SEMA6D: variants seen among roughly 807,000 people sequenced by gnomAD.
The protein encoded by SEMA6D is semaphorin-6D.
In SEMA6D, 35 loss-of-function variants were observed where a neutral mutation model predicts 106.6. The ratio of observed to expected loss-of-function variants is 0.33; its 90% CI spans 0.25 to 0.44. The LOEUF (loss-of-function observed/expected upper bound fraction) is 0.44. SEMA6D is among the 20% of genes least tolerant of loss of function. The pLI, the probability that SEMA6D is intolerant of heterozygous loss-of-function variation, is 1.00. For synonymous variants in SEMA6D, 499 were observed against 487.7 expected, an observed-to-expected ratio of 1.02 and a Z score of -0.31; for missense variants, 1,185 against 1,345.9, an observed-to-expected ratio of 0.88 and a Z score of 1.87.
rs137907736 is a variant in SEMA6D, at chr15:47,420,057, T to C, written c.-159+7585T>C. ...AACATGAAGAGCTGTCAGGTGGTGA[T>C]TGACTGTTGCTGAGGAGACTGTTAT... On this transcript the variant is annotated intron_variant, in intron 2 of 19. Transcript: ENST00000558014. Among the ~76,000 whole-genome samples, 7 of 152,204 alleles carry C rather than the reference T, an allele frequency of 4.6e-5. No homozygotes were observed. In the East Asian group the frequency reaches 7.8e-4, roughly 17 times the overall value.
intron 3 of SEMA6D, among the ~76,000 whole-genome samples, chr15:47,583,557 G>T (rs12907773): frequency 6.6e-6 from 1 of 152,008 alleles, no homozygotes; most frequent in Admixed American, 6.6e-5. Context: ...TCAGGATTGC[G>T]TCCTTTGTGC....
chr15:47,348,935 A>T (rs1344419896), intron 1 of SEMA6D, among the ~76,000 whole-genome samples: 2 of 151,934 alleles, frequency 1.3e-5, no homozygotes, highest in Non-Finnish European at 2.9e-5. Context: ...CAGAAATTAG[A>T]TCCCTTCTGT....
At position 47,555,212 on chromosome 15, in the gene SEMA6D, A is replaced by G. The variant is rs777895226; in HGVS notation, c.-86-45653A>G. 3.5e-4 allele frequency among the ~76,000 whole-genome samples: 53 copies of G among 152,080 alleles called. 1 individual carries two copies. The highest frequency in any genetic ancestry group is 1.0e-4 in the Non-Finnish European group (7 of 68,004). On this transcript the variant is annotated intron_variant, in intron 3 of 19. Transcript: ENST00000558014. The stretch of plus-strand genomic sequence containing the variant: ...AGGTAAGATATTTTGCAGAGCCCAG[A>G]TGTACCCCTTTCAAGAATGTCCTAA...
At chr15:47,362,503 G>C (rs750339975) in intron 1 of SEMA6D, among the ~76,000 whole-genome samples, 1 of 152,092 alleles carries the variant, frequency 6.6e-6, no homozygotes, top group South Asian at 2.1e-4. Context: ...TGGCCTCTCC[G>C]TGTCCCCATC....
chr15:47,699,146 C>G (rs1490212964), intron 4 of SEMA6D, among the ~76,000 whole-genome samples: 2 of 152,108 alleles, frequency 1.3e-5, no homozygotes. Context: ...GAGCCTATGC[C>G]AGCTTTTTAA....
chr15:47,651,679 C>T (rs886836766), intron 4 of SEMA6D, among the ~76,000 whole-genome samples: 1 of 152,236 alleles, frequency 6.6e-6, no homozygotes, highest in Non-Finnish European at 1.5e-5. Context: ...GATTCAGCTA[C>T]ATCTGATACT....
At chr15:47,333,727 A>G (rs2037437290) in intron 1 of SEMA6D, among the ~76,000 whole-genome samples, 1 of 152,204 alleles carries the variant, frequency 6.6e-6, no homozygotes. Context: ...TGGACATTAC[A>G]TTTTAACTGG....
At chr15:47,225,508 T>C (rs1047388183) in intron 1 of SEMA6D, among the ~76,000 whole-genome samples, 4 of 147,730 alleles carry the variant, frequency 2.7e-5, no homozygotes, top group Non-Finnish European at 4.5e-5. Context: ...GGTGTTTTTT[T>C]CTTGTTGAGG....
chr15:47,436,977 G>C (rs1247001888), intron 2 of SEMA6D, among the ~76,000 whole-genome samples: 1 of 132,794 alleles, frequency 7.5e-6, no homozygotes, highest in African/African-American at 2.8e-5. Context: ...GCAGGGAAAG[G>C]AAGAGAAGGG....
intron 4 of SEMA6D, among the ~76,000 whole-genome samples, chr15:47,630,795 A>T (rs1262780423): frequency 2.0e-5 from 3 of 151,836 alleles, no homozygotes; most frequent in African/African-American, 4.8e-5. Context: ...CTAAGATTTT[A>T]AAAATCATAC....
At chr15:47,426,039 A>T (rs771851620) in intron 2 of SEMA6D, among the ~76,000 whole-genome samples, 11 of 152,088 alleles carry the variant, frequency 7.2e-5, no homozygotes, top group Non-Finnish European at 1.3e-4. Flanking sequence ...TGCTCTATAT[A>T]CTAATAAATG....
chr15:47,196,799 C>G (rs150063337), intron 1 of SEMA6D, among the ~76,000 whole-genome samples: 1 of 152,302 alleles, frequency 6.6e-6, no homozygotes, highest in African/African-American at 2.4e-5. Context: ...TTAGAAAGAG[C>G]TACTGGCACG....
At chr15:47,674,477 C>A (rs1008106182) in intron 4 of SEMA6D, among the ~76,000 whole-genome samples, 2 of 152,166 alleles carry the variant, frequency 1.3e-5, no homozygotes, top group Admixed American at 6.5e-5. Flanking sequence ...ATAAACTATT[C>A]TTTGATTAAG....
rs1398441234 is a variant in SEMA6D at position 47,348,725 on chromosome 15, C to CAGAGAG, written c.-238-63667_-238-63666insGAGAGA. Among the ~76,000 whole-genome samples the CAGAGAG allele has an allele frequency of 4.0e-3, 192 of 47,696 alleles. 4 individuals are homozygous for CAGAGAG. The highest frequency in any genetic ancestry group is 8.6e-3 in the African/African-American group (184 of 21,398). 31.3% of individuals were successfully genotyped at this position (47,696 alleles called of 152,430 possible). On this transcript the variant is annotated intron_variant, in intron 1 of 19. Coordinates refer to the SEMA6D transcript ENST00000558014. ...CACACACACACACACACACCACACA[C>CAGAGAG]ACAGAGAGAGAGAGAGAGAGAGAGA... is the stretch of plus-strand genomic sequence containing the variant.
chr15:47,223,340 C>T (rs570368586), intron 1 of SEMA6D, among the ~76,000 whole-genome samples: 15 of 152,148 alleles, frequency 9.9e-5, no homozygotes, highest in South Asian at 4.1e-4. Flanking sequence ...TACTTTTCAT[C>T]GGTTTTCTCT....
intron 1 of SEMA6D, among the ~76,000 whole-genome samples, chr15:47,404,321 C>T (rs2040490125): frequency 1.3e-5 from 2 of 152,102 alleles, no homozygotes; most frequent in Non-Finnish European, 2.9e-5. Flanking sequence ...TAAAATGAGC[C>T]ATCATCGTGG....
intron 4 of SEMA6D, among the ~76,000 whole-genome samples, chr15:47,703,165 A>G (rs2078847631): frequency 6.6e-6 from 1 of 152,174 alleles, no homozygotes; most frequent in Non-Finnish European, 1.5e-5. Flanking sequence ...CTCCAAAAGA[A>G]TTTCTATAAT....
chr15:47,582,396 G>T (rs2076269858), intron 3 of SEMA6D, among the ~76,000 whole-genome samples: 1 of 152,190 alleles, frequency 6.6e-6, no homozygotes, highest in Non-Finnish European at 1.5e-5. Context: ...CTTTATCAAA[G>T]CCAGTCGGAA....
intron 1 of SEMA6D, among the ~76,000 whole-genome samples, chr15:47,321,463 AAAAT>A (rs2036919663): frequency 6.6e-6 from 1 of 152,244 alleles, no homozygotes; most frequent in African/African-American, 2.4e-5. Context: ...CTCAGAGTCA[AAAAT>A]AAGAGGTCAA....
Sources: allele counts gnomAD v4.1 joint callset (sites outside exome capture counted in the v4.1 genomes callset), GRCh38; gene constraint gnomAD v4.1.1; transcripts MANE v1.5; gene names NCBI Gene and HGNC (gene_info 2026-07-23, HGNC 2026-07-21).